The following TSHR variants were observed in gnomAD, a reference collection of about 807,000 sequenced individuals.
TSHR encodes the protein thyrotropin receptor.
A neutral mutation model predicts 64.1 loss-of-function variants in TSHR; 51 were observed. The observed-to-expected ratio is 0.80, with a 90% CI of 0.64 to 1.01. The LOEUF (loss-of-function observed/expected upper bound fraction) is 1.01. Ranked by LOEUF, TSHR falls within the 50% of genes least tolerant of loss-of-function variation. TSHR has a pLI of 0.00. For synonymous variants in TSHR, 361 were observed against 361.9 expected (o/e 1.00, Z 0.03); for missense variants, 877 against 942.8 (o/e 0.93, Z 0.91).
At chr14:80,959,342 T>G (rs1180070909) in intron 1 of TSHR, 1 of 152,214 alleles carries the variant, frequency 6.6e-6, no homozygotes, top group Non-Finnish European at 1.5e-5. Context: ...AGCAAGAGAA[T>G]AAAATTAAAA....
chr14:81,065,550 G>A lies in TSHR; in HGVS notation c.243-2704G>A, dbSNP rs139782747. Among the ~76,000 whole-genome samples, 127 of 152,230 alleles carry A rather than the reference G, an allele frequency of 8.3e-4. 1 individual carries two copies. In the East Asian group the frequency reaches 0.024, roughly 29 times the overall value. On this transcript the variant is annotated intron_variant, in intron 2 of 9. Transcript: ENST00000298171. Reference sequence around the variant, plus strand: ...AGGCAGATCTGAAGGCTCCACTGAGGCTTCCCCCAGGGAGACTGCTGGATT... The same window carrying A: ...AGGCAGATCTGAAGGCTCCACTGAGACTTCCCCCAGGGAGACTGCTGGATT...
chr14:80,967,282 CA>C (rs1224003819), intron 1 of TSHR, among the ~76,000 whole-genome samples: 6 of 124,658 alleles, frequency 4.8e-5, no homozygotes, highest in South Asian at 3.1e-4. Context: ...ACCTGACTTA[CA>C]TTTTTTTTTT....
chr14:81,108,316 T>C, intron 7 of TSHR, 59 bp from the exon 8 acceptor site: 1 of 1,296,612 alleles, frequency 7.7e-7, no homozygotes, highest in Non-Finnish European at 1.1e-6. Context: ...ACTAATTTGA[T>C]GTGATTTCTT....
intron 3 of TSHR, among the ~76,000 whole-genome samples, chr14:81,086,065 C>T (rs1191202890): frequency 6.6e-6 from 1 of 152,146 alleles, no homozygotes; most frequent in Non-Finnish European, 1.5e-5. Context: ...AGGTAAAAAT[C>T]ATGACATAAT....
At chr14:81,044,585 G>A (rs1458171053) in intron 1 of TSHR, among the ~76,000 whole-genome samples, 1 of 151,462 alleles carries the variant, frequency 6.6e-6, no homozygotes, top group Non-Finnish European at 1.5e-5. Flanking sequence ...TTGAACCTGG[G>A]AGGCGGAGGT....
Position 81,062,215 on chromosome 14 carries a change from A to G in TSHR, c.238A>G (p.Arg80Gly). 6.2e-7 allele frequency: 1 copy of G among 1,610,144 alleles called. No homozygotes were observed. Among genetic ancestry groups the G allele is most frequent in the Non-Finnish European group, 8.5e-7 (1 of 1,177,590 alleles). ...HAFSNLPNISRIYVSIDVTLQ... is the reference protein window; with the variant it reads ...HAFSNLPNISGIYVSIDVTLQ... ...ATTTTCTAATCTGCCCAATATTTCC[A>G]GAATGTAAGTTTTTTTAATATAAAG... The change falls in exon 2 of 10, where the codon AGA becomes GGA. Residue 80 changes from arginine (R) to glycine (G), a missense_variant. Arg to Gly is a moderately radical substitution (Grantham distance 125). Coordinates refer to ENST00000298171, the MANE Select transcript of TSHR (RefSeq NM_000369.5).
intron 7 of TSHR, chr14:81,104,137 A>G: frequency 2.0e-6 from 2 of 985,436 alleles, no homozygotes; most frequent in South Asian, 9.4e-5. Flanking sequence ...CTGCCTATTG[A>G]GAGCTTGAGT....
In TSHR at chr14:81,103,903, A is replaced by G; in HGVS notation, c.615-4472A>G. 1 of 985,462 alleles carries G rather than the reference A, an allele frequency of 1.0e-6. No individual in the cohort carries two copies. The highest frequency in any genetic ancestry group is 1.2e-6 in the Non-Finnish European group (1 of 829,932). The allele number at this position is 985,462 out of a possible 1,614,324, so 61.0% of individuals were successfully genotyped here. A position where few individuals can be genotyped will look rare whatever the true frequency, so the allele number is the denominator to read the frequency against. ...AGGCAGGAATAAAAATACCATTTTGATATGCTAAGAGCCCACCAATACACT... is the reference window on the plus strand; with the variant it reads ...AGGCAGGAATAAAAATACCATTTTGGTATGCTAAGAGCCCACCAATACACT... On this transcript the variant is annotated intron_variant, in intron 7 of 9. Transcript: ENST00000298171. This position sits in a 1 kb window ranked among gnomAD's most constrained non-coding sequence, Gnocchi z 4.1.
At chr14:81,034,469 G>C (rs10873333) in intron 1 of TSHR, among the ~76,000 whole-genome samples, 37,214 of 152,146 alleles carry the variant, frequency 0.24, 4,676 homozygotes, top group South Asian at 0.33. Context: ...TTTTAAAACT[G>C]TGAAGTTTCT....
intron 4 of TSHR, among the ~76,000 whole-genome samples, chr14:81,089,968 T>A (rs138010368): frequency 6.6e-6 from 1 of 152,020 alleles, no homozygotes; most frequent in East Asian, 1.9e-4. Flanking sequence ...TATCAATGGA[T>A]ATAGTTTTTC....
chr14:80,981,798 C>T (rs539557781), intron 1 of TSHR, among the ~76,000 whole-genome samples: 1 of 152,316 alleles, frequency 6.6e-6, no homozygotes, highest in South Asian at 2.1e-4. Context: ...AAGCGTGCCT[C>T]TGCCCTCTGT....
intron 8 of TSHR, among the ~76,000 whole-genome samples, chr14:81,109,818 A>G (rs8021279): frequency 0.045 from 6,875 of 152,288 alleles, 497 homozygotes; most frequent in African/African-American, 0.15. Flanking sequence ...CTGTTAATTC[A>G]TGGCAAAGTA....
rs1368336051 is a variant in TSHR at position 81,096,677 on chromosome 14, A to G, written c.584A>G (p.Tyr195Cys). 4 of 1,613,888 alleles carry G rather than the reference A, an allele frequency of 2.5e-6. No individual in the cohort carries two copies. The Admixed American group carries it at 6.7e-5, about 27-fold the overall frequency. Residue 195 changes from tyrosine to cysteine, a missense_variant, in exon 7 of 10, where the codon TAT becomes TGT. By Grantham distance (194) the Tyr-to-Cys change is radical (BLOSUM62 -2). Coordinates refer to ENST00000298171, the MANE Select transcript of TSHR (RefSeq NM_000369.5). ...YNNGFTSVQG[Y>C]AFNGTKLDAV... ...AATGGCTTTACTTCAGTCCAAGGATATGCTTTCAATGGGACAAAGCTGGAT... is the reference window on the plus strand; with the variant it reads ...AATGGCTTTACTTCAGTCCAAGGATGTGCTTTCAATGGGACAAAGCTGGAT...
At chr14:81,135,327 G>A (rs1481166146) in intron 8 of TSHR, among the ~76,000 whole-genome samples, 1 of 152,184 alleles carries the variant, frequency 6.6e-6, no homozygotes, top group African/African-American at 2.4e-5. Flanking sequence ...AAGGAGGCAT[G>A]GATTTCAAGC....
At chr14:81,060,474 G>A (rs1252212929) in intron 1 of TSHR, among the ~76,000 whole-genome samples, 1 of 152,092 alleles carries the variant, frequency 6.6e-6, no homozygotes, top group Non-Finnish European at 1.5e-5. Context: ...GGGCTTCATG[G>A]CAAAACACCA....
At chr14:81,062,899 C>T (rs778255667) in intron 2 of TSHR, among the ~76,000 whole-genome samples, 21 of 152,078 alleles carry the variant, frequency 1.4e-4, no homozygotes, top group Non-Finnish European at 2.6e-4. Flanking sequence ...GTACTCACTC[C>T]GTGGCCATTT....
chr14:80,982,295 A>G, intron 1 of TSHR: 1 of 917,768 alleles, frequency 1.1e-6, no homozygotes, highest in Non-Finnish European at 1.6e-6. Flanking sequence ...ACATGTAAAA[A>G]TGGGGCTGGT....
intron 1 of TSHR, among the ~76,000 whole-genome samples, chr14:81,037,753 C>A (rs2888047): frequency 0.82 from 124,975 of 151,876 alleles, 51,905 homozygotes; most frequent in African/African-American, 0.91. Context: ...TAAATCTATA[C>A]TAAAGGGGTC....
At chr14:80,956,422 C>G (rs1886690976) in intron 1 of TSHR, among the ~76,000 whole-genome samples, 1 of 152,094 alleles carries the variant, frequency 6.6e-6, no homozygotes, top group African/African-American at 2.4e-5. Flanking sequence ...CGTCCAGAAC[C>G]CTGCTTTGTG....
Sources: allele counts gnomAD v4.1 joint callset (sites outside exome capture counted in the v4.1 genomes callset), GRCh38; gene constraint gnomAD v4.1.1; non-coding constraint Gnocchi (gnomAD v3.1); transcripts MANE v1.5; gene names NCBI Gene and HGNC (gene_info 2026-07-23, HGNC 2026-07-21).